The following NBEA variants were observed in gnomAD, a reference collection of about 807,000 sequenced individuals.
NBEA encodes the protein lysosomal-trafficking regulator 2.
A neutral mutation model predicts 343.4 loss-of-function variants in NBEA; 44 were observed. The ratio of observed to expected loss-of-function variants is 0.13; its 90% CI spans 0.10 to 0.16. The LOEUF (loss-of-function observed/expected upper bound fraction) is 0.16, where lower values mean the gene tolerates loss of function less well. NBEA is among the 10% of genes least tolerant of loss of function. NBEA has a pLI of 1.00. For synonymous variants in NBEA, 1,175 were observed against 1,238.7 expected, an observed-to-expected ratio of 0.95 and a Z score of 1.08; for missense variants, 2,555 against 3,631.3, an observed-to-expected ratio of 0.70 and a Z score of 7.62.
At chr13:35,465,675 A>C (rs1345878837) in intron 40 of NBEA, among the ~76,000 whole-genome samples, 4 of 152,204 alleles carry the variant, frequency 2.6e-5, no homozygotes, top group Non-Finnish European at 5.9e-5. Flanking sequence ...AGGCAGAGCA[A>C]ATTTTCACAC....
intron 45 of NBEA, among the ~76,000 whole-genome samples, chr13:35,579,225 A>G (rs991185977): frequency 4.6e-5 from 7 of 152,142 alleles, no homozygotes; most frequent in Admixed American, 4.6e-4. Flanking sequence ...CTTGAAAATT[A>G]TAATGTAGTT....
Position 35,314,380 on chromosome 13 carries a change from T to C in NBEA, c.5903+4788T>C, listed in dbSNP as rs74557880. On this transcript the variant is annotated intron_variant, in intron 36 of 58. Coordinates refer to ENST00000379939, the MANE Select transcript of NBEA (RefSeq NM_001385012.1). ...TCAGCAGTTCGCAGTTCAGAGAAGA[T>C]AGGCATTTGCTTTAAGACATTGACT... Among the ~76,000 whole-genome samples, 115 of 152,252 alleles carry C rather than the reference T, an allele frequency of 7.6e-4. 1 individual carries two copies. Among genetic ancestry groups the C allele is most frequent in the African/African-American group, 2.7e-3 (111 of 41,558 alleles).
intron 29 of NBEA, among the ~76,000 whole-genome samples, chr13:35,182,957 G>A (rs1402858650): frequency 3.3e-5 from 5 of 151,930 alleles, no homozygotes; most frequent in Non-Finnish European, 5.9e-5. Flanking sequence ...TTTTTTAGCT[G>A]TATACAGTTA....
At chr13:35,174,650 G>A (rs766895254) in intron 27 of NBEA, among the ~76,000 whole-genome samples, 15 of 152,120 alleles carry the variant, frequency 9.9e-5, no homozygotes, top group Middle Eastern at 3.4e-3. Context: ...ACTGCTCACA[G>A]GACTCCATAG....
intron 52 of NBEA, among the ~76,000 whole-genome samples, chr13:35,650,545 T>A (rs975179426): frequency 6.6e-6 from 1 of 152,034 alleles, no homozygotes; most frequent in African/African-American, 2.4e-5. Flanking sequence ...CTACTAAAAC[T>A]ACAAAAATTA....
chr13:35,295,272 G>A (rs920636523), intron 35 of NBEA, among the ~76,000 whole-genome samples: 2 of 151,396 alleles, frequency 1.3e-5, no homozygotes, highest in African/African-American at 4.8e-5. Flanking sequence ...ATAGAATTAA[G>A]GCTAGTAAGA....
intron 33 of NBEA, among the ~76,000 whole-genome samples, chr13:35,231,201 G>C (rs1162069328): frequency 6.6e-6 from 1 of 152,082 alleles, no homozygotes; most frequent in Non-Finnish European, 1.5e-5. Flanking sequence ...TTAAACAGAA[G>C]TGCTGATGGT....
chr13:35,437,672 A>G (rs2045515347), intron 39 of NBEA, among the ~76,000 whole-genome samples: 1 of 152,192 alleles, frequency 6.6e-6, no homozygotes, highest in Non-Finnish European at 1.5e-5. Flanking sequence ...CATACAAGTG[A>G]AAATTTAATT....
chr13:35,320,095 T>C (rs988151355), intron 36 of NBEA, among the ~76,000 whole-genome samples: 3 of 152,198 alleles, frequency 2.0e-5, no homozygotes, highest in Non-Finnish European at 2.9e-5. Flanking sequence ...CCATTTAACA[T>C]TTAAGGTTAA....
At position 35,232,591 on chromosome 13, in the gene NBEA, C is replaced by G; in HGVS notation, c.5748C>G (p.Gly1916=). 1 of 1,544,926 alleles carries G rather than the reference C, an allele frequency of 6.5e-7. No individual in the cohort carries two copies. The highest frequency in any genetic ancestry group is 8.8e-7 in the Non-Finnish European group (1 of 1,139,740). ...FAPFLSRTLL[G]SHGQELLIEG... ...CATTCCTATCTCGTACACTTCTTGG[C>G]AGTCATGGACAAGAGCTATTGATAG... Residue 1916 remains glycine (G), a synonymous_variant, in exon 34 of 59, where the codon GGC becomes GGG. Transcript: ENST00000379939.
At chr13:35,643,017 A>C (rs2084038560) in intron 49 of NBEA, among the ~76,000 whole-genome samples, 1 of 151,846 alleles carries the variant, frequency 6.6e-6, no homozygotes, top group South Asian at 2.1e-4. Flanking sequence ...ATAGAGAAAT[A>C]GATACATGTA....
At chr13:35,569,803 C>T (rs2080309531) in intron 45 of NBEA, among the ~76,000 whole-genome samples, 1 of 152,134 alleles carries the variant, frequency 6.6e-6, no homozygotes, top group Non-Finnish European at 1.5e-5. Flanking sequence ...CTCACTAAGA[C>T]ATTTGGACTC....
chr13:35,454,066 C>T (rs1052002183), intron 40 of NBEA, among the ~76,000 whole-genome samples: 23 of 152,220 alleles, frequency 1.5e-4, no homozygotes, highest in African/African-American at 4.6e-4. Flanking sequence ...ACTCTTCTAG[C>T]GGGATCCTTG....
chr13:35,517,698 A>G (rs1384868872), intron 41 of NBEA, among the ~76,000 whole-genome samples: 1 of 152,128 alleles, frequency 6.6e-6, no homozygotes, highest in African/African-American at 2.4e-5. Context: ...AAACGTGTGT[A>G]TTTCTCACAT....
intron 36 of NBEA, among the ~76,000 whole-genome samples, chr13:35,337,693 G>A (rs946697800): frequency 2.0e-5 from 3 of 152,038 alleles, no homozygotes; most frequent in African/African-American, 7.2e-5. Flanking sequence ...AAGTGCACAT[G>A]AAACATTCTG....
At chr13:35,008,457 G>A (rs2061384105) in intron 1 of NBEA, among the ~76,000 whole-genome samples, 1 of 152,026 alleles carries the variant, frequency 6.6e-6, no homozygotes, top group Non-Finnish European at 1.5e-5. Context: ...TTGTTATACT[G>A]TGTTGTTTAC....
intron 34 of NBEA, among the ~76,000 whole-genome samples, chr13:35,274,529 G>C (rs1223032528): frequency 6.6e-6 from 1 of 152,172 alleles, no homozygotes; most frequent in Non-Finnish European, 1.5e-5. Context: ...TCAGGCAAGA[G>C]AAAGAAATAA....
At chr13:35,130,332 G>A (rs143836501) in intron 17 of NBEA, among the ~76,000 whole-genome samples, 2,449 of 152,132 alleles carry the variant, frequency 0.016, 32 homozygotes, top group Middle Eastern at 0.024. Flanking sequence ...TGTAAAGGAT[G>A]AGTTGGGTGT....
chr13:35,446,996 AT>A (rs1566146734), intron 39 of NBEA, among the ~76,000 whole-genome samples: 1 of 152,050 alleles, frequency 6.6e-6, no homozygotes, highest in African/African-American at 2.4e-5. Context: ...TAGCTAACCT[AT>A]TGTTGTGAAT....
Sources: gnomAD v4.1 joint callset for allele counts (sites outside exome capture counted in the v4.1 genomes callset) on GRCh38, gnomAD v4.1.1 for gene constraint, MANE v1.5 for transcripts, NCBI Gene and HGNC (gene_info 2026-07-23, HGNC 2026-07-21) for gene names.